CNTNAP2: variants seen among roughly 807,000 people sequenced by gnomAD.
The protein encoded by CNTNAP2 is contactin-associated protein-like 2.
CNTNAP2 carries 98 observed loss-of-function variants against 155.2 expected under a neutral mutation model. The observed-to-expected ratio is 0.63, with a 90% CI of 0.54 to 0.75. The LOEUF is 0.75. Among genes scored for constraint, CNTNAP2 ranks in the 30% least tolerant of loss-of-function variants. The probability of loss-of-function intolerance (pLI) is 0.00; values close to 1 mark genes in which losing one functional copy is unlikely to be tolerated. For synonymous variants in CNTNAP2, 651 were observed against 631.2 expected (o/e 1.03, Z -0.47); for missense variants, 1,727 against 1,688.1 (o/e 1.02, Z -0.40).
chr7:146,359,582 C>G (rs1405934686), intron 1 of CNTNAP2, among the ~76,000 whole-genome samples: 1 of 152,136 alleles, frequency 6.6e-6, no homozygotes, highest in African/African-American at 2.4e-5. Flanking sequence ...GGATATAGGG[C>G]TTTATTTATT....
At chr7:148,119,671 G>A (rs1052001315) in intron 16 of CNTNAP2, among the ~76,000 whole-genome samples, 3 of 152,202 alleles carry the variant, frequency 2.0e-5, no homozygotes, top group African/African-American at 4.8e-5. Context: ...AGCATTCTTA[G>A]GTTCAATTCC....
At chr7:146,118,761 T>G (rs146592178) in intron 1 of CNTNAP2, among the ~76,000 whole-genome samples, 1,655 of 152,268 alleles carry the variant, frequency 0.011, 31 homozygotes, top group African/African-American at 0.038. Context: ...TAGTTAGAAT[T>G]TGAAGACAGA....
At chr7:148,391,998 A>C (rs1253583713) in intron 22 of CNTNAP2, among the ~76,000 whole-genome samples, 1 of 152,262 alleles carries the variant, frequency 6.6e-6, no homozygotes, top group Non-Finnish European at 1.5e-5. Flanking sequence ...AAATATCATT[A>C]AAATAGATGA....
Position 146,946,404 on chromosome 7 carries a change from T to C in CNTNAP2, c.403-97503T>C, listed in dbSNP as rs1272016134. ...TAATAAAACATTCCTTAGGTATTTA[T>C]AGTTATAGGATTGATGGAACAGATA... On this transcript the variant is annotated intron_variant, in intron 3 of 23. Coordinates refer to ENST00000361727, the MANE Select transcript of CNTNAP2 (RefSeq NM_014141.6). Among the ~76,000 whole-genome samples, 5 of 152,208 alleles carry C rather than the reference T, an allele frequency of 3.3e-5. No individual in the cohort carries two copies. In the East Asian group the frequency reaches 9.6e-4, roughly 29 times the overall value.
chr7:146,308,896 C>A (rs1227988975), intron 1 of CNTNAP2, among the ~76,000 whole-genome samples: 2 of 152,042 alleles, frequency 1.3e-5, no homozygotes, highest in Non-Finnish European at 2.9e-5. Context: ...TTAGTGGGTG[C>A]ATCACACCAA....
At chr7:148,057,354 A>G (rs1803038616) in intron 15 of CNTNAP2, among the ~76,000 whole-genome samples, 1 of 152,192 alleles carries the variant, frequency 6.6e-6, no homozygotes, top group South Asian at 2.1e-4. Context: ...ATAACACATC[A>G]GCAAGGAATA....
rs551865016 is a variant in CNTNAP2, at chr7:146,527,829, A to G, written c.98-246442A>G. Among the ~76,000 whole-genome samples, 13 of 152,290 alleles carry G rather than the reference A, an allele frequency of 8.5e-5. 2 individuals carry two copies. Among genetic ancestry groups the G allele is most frequent in the African/African-American group, 3.1e-4 (13 of 41,550 alleles). ...TTTAAATGTTATCAAATCATTTAAAATTGAAATTTGGAAGTTTTATTTCCA... is the reference window on the plus strand; with the variant it reads ...TTTAAATGTTATCAAATCATTTAAAGTTGAAATTTGGAAGTTTTATTTCCA... On this transcript the variant is annotated intron_variant, in intron 1 of 23. Transcript: ENST00000361727.
chr7:146,942,979 T>G (rs1489800933), intron 3 of CNTNAP2, among the ~76,000 whole-genome samples: 16 of 152,180 alleles, frequency 1.1e-4, no homozygotes, highest in Admixed American at 1.0e-3. Context: ...AGTGTTCATT[T>G]TTACATGTTG....
intron 11 of CNTNAP2, among the ~76,000 whole-genome samples, chr7:147,544,080 T>C (rs1799686467): frequency 6.6e-6 from 1 of 152,082 alleles, no homozygotes; most frequent in Non-Finnish European, 1.5e-5. Context: ...TGGAAGAAAA[T>C]ACAGAAGACT....
chr7:146,610,449 G>A (rs1278081300), intron 1 of CNTNAP2, among the ~76,000 whole-genome samples: 3 of 151,980 alleles, frequency 2.0e-5, no homozygotes, highest in Non-Finnish European at 4.4e-5. Flanking sequence ...GAGTGCAATG[G>A]GATAATGCTA....
chr7:146,387,289 C>T (rs1252467722), intron 1 of CNTNAP2, among the ~76,000 whole-genome samples: 3 of 152,260 alleles, frequency 2.0e-5, no homozygotes, highest in African/African-American at 7.2e-5. Context: ...AACTATTCAA[C>T]CCAAAACCAC....
At chr7:148,370,252 G>T (rs1278116664) in intron 21 of CNTNAP2, among the ~76,000 whole-genome samples, 1 of 152,128 alleles carries the variant, frequency 6.6e-6, no homozygotes, top group African/African-American at 2.4e-5. Context: ...AAGCTCTCCG[G>T]CTCCCCAGTG....
chr7:147,827,766 G>A (rs746221154), intron 13 of CNTNAP2, among the ~76,000 whole-genome samples: 2 of 151,932 alleles, frequency 1.3e-5, no homozygotes, highest in Non-Finnish European at 2.9e-5. Context: ...AGTATGAGAG[G>A]GTAGAATGCC....
intron 9 of CNTNAP2, among the ~76,000 whole-genome samples, chr7:147,310,766 T>G (rs137934449): frequency 1.3e-5 from 2 of 152,290 alleles, no homozygotes; most frequent in African/African-American, 4.8e-5. Context: ...AAAAGCATAG[T>G]AAGGAAGGCT....
At chr7:146,475,490 T>A (rs1334037543) in intron 1 of CNTNAP2, among the ~76,000 whole-genome samples, 1 of 152,172 alleles carries the variant, frequency 6.6e-6, no homozygotes, top group Non-Finnish European at 1.5e-5. Context: ...GCCTTTAGGA[T>A]CAGTCTGTGT....
chr7:148,345,911 G>A (rs1482242271), intron 21 of CNTNAP2, among the ~76,000 whole-genome samples: 1 of 152,004 alleles, frequency 6.6e-6, no homozygotes, highest in Non-Finnish European at 1.5e-5. Context: ...ACTCCTATAT[G>A]AAAGTGCTTT....
At chr7:146,796,610 G>T (rs756303947) in intron 2 of CNTNAP2, among the ~76,000 whole-genome samples, 7 of 151,930 alleles carry the variant, frequency 4.6e-5, no homozygotes, top group Non-Finnish European at 8.8e-5. Flanking sequence ...GTGATATAAC[G>T]GTATAGGGAC....
chr7:147,159,311 C>T (rs183936779), intron 8 of CNTNAP2, among the ~76,000 whole-genome samples: 21 of 152,034 alleles, frequency 1.4e-4, no homozygotes, highest in African/African-American at 3.9e-4. Flanking sequence ...TTCAGAAATA[C>T]GATTATTCTG....
At chr7:146,820,365 T>C (rs1045431022) in intron 2 of CNTNAP2, among the ~76,000 whole-genome samples, 3 of 152,180 alleles carry the variant, frequency 2.0e-5, no homozygotes, top group Non-Finnish European at 4.4e-5. Context: ...ATTTAATCTC[T>C]TGTTCCTGTA....
Sources: allele counts gnomAD v4.1 joint callset (sites outside exome capture counted in the v4.1 genomes callset), GRCh38; gene constraint gnomAD v4.1.1; transcripts MANE v1.5; gene names NCBI Gene and HGNC (gene_info 2026-07-23, HGNC 2026-07-21).